ASB3: variants seen among roughly 807,000 people sequenced by gnomAD.
ASB3 encodes the protein ankyrin repeat and SOCS box protein 3.
A neutral mutation model predicts 54.5 loss-of-function variants in ASB3; 41 were observed. That is an observed-to-expected ratio of 0.75 (90% CI 0.59 to 0.98). The LOEUF is 0.98. ASB3 is among the 50% of genes least tolerant of loss of function. The pLI is 0.00. For synonymous variants in ASB3, 266 were observed against 221.2 expected, an observed-to-expected ratio of 1.20 and a Z score of -1.80; for missense variants, 733 against 620.0, an observed-to-expected ratio of 1.18 and a Z score of -1.94.
intron 6 of ASB3, 103 bp downstream of exon 6, chr2:53,716,463 G>A (rs565249201): frequency 1.4e-6 from 2 of 1,404,268 alleles, no homozygotes; most frequent in East Asian, 2.3e-5. Context: ...GTAGGGAAGA[G>A]AATATCAAAG....
chr2:53,700,459 T>C lies in ASB3; in HGVS notation c.1050A>G (p.Ala350=). Residue 350 remains alanine (A), a synonymous_variant, in exon 8 of 10, where the codon GCA becomes GCG. Coordinates refer to ENST00000263634, the MANE Select transcript of ASB3 (RefSeq NM_016115.5). The stretch of plus-strand genomic sequence containing the variant: ...AAAACTTCTCGTACTTCAGGCAGTA[T>C]GCCAAATGAAGTTCATTTATCTGGG... The part of the protein sequence containing the change: ...YGAQINELHL[A]YCLKYEKFSI... 2 of 1,614,162 alleles carry C rather than the reference T, an allele frequency of 1.2e-6. No homozygotes were observed. Among genetic ancestry groups the C allele is most frequent in the Admixed American group, 1.7e-5 (1 of 60,010 alleles).
At chr2:53,755,372 A>G (rs188651348) in intron 2 of ASB3, among the ~76,000 whole-genome samples, 39 of 152,372 alleles carry the variant, frequency 2.6e-4, no homozygotes, top group Non-Finnish European at 5.3e-4. Flanking sequence ...TAAAAGTGGT[A>G]GTAATGGGTG....
intron 3 of ASB3, among the ~76,000 whole-genome samples, chr2:53,736,700 GAA>G (rs60348593): frequency 0.19 from 24,758 of 130,696 alleles, 2,068 homozygotes; most frequent in South Asian, 0.25. Context: ...TTCCATCTCA[GAA>G]AAAAAAAAAA....
intron 5 of ASB3, among the ~76,000 whole-genome samples, chr2:53,721,218 A>G (rs886663934): frequency 6.6e-6 from 1 of 151,684 alleles, no homozygotes; most frequent in African/African-American, 2.4e-5. Flanking sequence ...AATAGAAATC[A>G]ATACCAAGAA....
chr2:53,785,242 C>A (rs1001285874), intron 1 of ASB3, among the ~76,000 whole-genome samples: 1 of 152,208 alleles, frequency 6.6e-6, no homozygotes, highest in African/African-American at 2.4e-5. Context: ...GCAGCACTTA[C>A]CAATACTAGA....
chr2:53,734,408 G>A (rs977121453), intron 3 of ASB3, among the ~76,000 whole-genome samples: 1 of 151,858 alleles, frequency 6.6e-6, no homozygotes, highest in African/African-American at 2.4e-5. Flanking sequence ...TTTTACCACT[G>A]AACTACCCCC....
At chr2:53,761,541 C>G (rs1299701840) in intron 2 of ASB3, among the ~76,000 whole-genome samples, 1 of 152,126 alleles carries the variant, frequency 6.6e-6, no homozygotes, top group East Asian at 1.9e-4. Flanking sequence ...GGACTCATAC[C>G]AGTGGCCTCC....
intron 1 of ASB3, chr2:53,774,084 T>C: frequency 6.8e-7 from 1 of 1,479,928 alleles, no homozygotes. Context: ...TCACAACCTT[T>C]CTTCACCTAT....
chr2:53,755,969 A>C (rs981143175), intron 2 of ASB3, among the ~76,000 whole-genome samples: 7 of 147,850 alleles, frequency 4.7e-5, no homozygotes, highest in African/African-American at 1.5e-4. Flanking sequence ...CCTGGACAAA[A>C]TAGTAAGACC....
At chr2:53,769,718 C>T (rs578016222) in intron 1 of ASB3, among the ~76,000 whole-genome samples, 1 of 152,288 alleles carries the variant, frequency 6.6e-6, no homozygotes, top group East Asian at 1.9e-4. Flanking sequence ...TGGTGGCGCA[C>T]GCCAGTAGAG....
rs1227931572 is a variant in ASB3, at chr2:53,737,918, T to A, written c.356-8348A>T. Among the ~76,000 whole-genome samples the A allele has an allele frequency of 7.9e-5, 12 of 152,136 alleles. No individual in the cohort carries two copies. The East Asian group carries it at 2.3e-3, about 29-fold the overall frequency. On this transcript the variant is annotated intron_variant, in intron 3 of 9. Transcript: ENST00000263634. ...CAATAATACTAAAGTGTATATTAATTGAAAAATGATTTAAAACCTAAAGAA... is the reference window on the plus strand; with the variant it reads ...CAATAATACTAAAGTGTATATTAATAGAAAAATGATTTAAAACCTAAAGAA...
intron 5 of ASB3, 108 bp from the exon 6 acceptor site, chr2:53,716,851 T>A (rs2103847039): frequency 2.4e-6 from 3 of 1,234,484 alleles, no homozygotes; most frequent in Non-Finnish European, 3.3e-6. Flanking sequence ...GGTAAGCTTT[T>A]CCCTCTTCAC....
chr2:53,782,370 T>C (rs74528135), intron 1 of ASB3, among the ~76,000 whole-genome samples: 2,080 of 152,104 alleles, frequency 0.014, 43 homozygotes, highest in African/African-American at 0.046. Context: ...CACACACACA[T>C]GCATACATGA....
chr2:53,756,562 G>A (rs1290179554), intron 2 of ASB3, among the ~76,000 whole-genome samples: 2 of 152,160 alleles, frequency 1.3e-5, no homozygotes, highest in Admixed American at 6.5e-5. Flanking sequence ...TCAGCAGACT[G>A]AATAAACAAG....
At chr2:53,682,051 T>C (rs1314945139) in intron 9 of ASB3, among the ~76,000 whole-genome samples, 3 of 151,726 alleles carry the variant, frequency 2.0e-5, no homozygotes, top group Admixed American at 2.0e-4. Context: ...CCCCAGCTAC[T>C]TGGGAGGCTG....
At chr2:53,725,271 C>T (rs961433042) in intron 5 of ASB3, among the ~76,000 whole-genome samples, 2 of 152,130 alleles carry the variant, frequency 1.3e-5, no homozygotes, top group African/African-American at 4.8e-5. Flanking sequence ...ACAACAGATA[C>T]TGGGGACTAA....
At chr2:53,765,222 C>A (rs886291010) in intron 2 of ASB3, 155 bp downstream of exon 2, 2 of 663,458 alleles carry the variant, frequency 3.0e-6, no homozygotes, top group African/African-American at 3.9e-5. Flanking sequence ...CCAAGGCAGG[C>A]AATCTTACTA....
At chr2:53,766,270 C>T (rs1399783334) in intron 1 of ASB3, among the ~76,000 whole-genome samples, 1 of 152,152 alleles carries the variant, frequency 6.6e-6, no homozygotes, top group East Asian at 1.9e-4. Flanking sequence ...GAGTTCTTGC[C>T]CACATCATCA....
intron 9 of ASB3, among the ~76,000 whole-genome samples, chr2:53,692,897 C>T (rs568125572): frequency 1.3e-5 from 2 of 152,224 alleles, no homozygotes; most frequent in Non-Finnish European, 2.9e-5. Flanking sequence ...TACTAGAAGG[C>T]TGAAAGACTC....
Sources: allele counts gnomAD v4.1 joint callset (sites outside exome capture counted in the v4.1 genomes callset), GRCh38; gene constraint gnomAD v4.1.1; transcripts MANE v1.5; gene names NCBI Gene and HGNC (gene_info 2026-07-23, HGNC 2026-07-21).